MCPH1: variants seen among roughly 807,000 people sequenced by gnomAD.
MCPH1 encodes microcephalin.
A neutral mutation model predicts 84.5 loss-of-function variants in MCPH1; 104 were observed. The observed-to-expected ratio is 1.23, with a 90% CI of 1.05 to 1.45. The LOEUF (loss-of-function observed/expected upper bound fraction) is 1.45, where lower values mean the gene tolerates loss of function less well. MCPH1 is among the 40% of genes most tolerant of loss of function. MCPH1 has a pLI of 0.00. For missense variants in MCPH1, 1,498 were observed against 1,005.7 expected (o/e 1.49, Z -6.62); for synonymous variants, 514 against 366.8 (o/e 1.40, Z -4.58).
intron 8 of MCPH1, chr8:6,447,240 A>G: frequency 1.0e-6 from 1 of 985,284 alleles, no homozygotes; most frequent in Non-Finnish European, 1.2e-6. Context: ...AGGTGAACCA[A>G]CTCTCTTTGG....
chr8:6,508,551 A>G, intron 12 of MCPH1: 1 of 316,708 alleles, frequency 3.2e-6, no homozygotes, highest in Non-Finnish European at 5.6e-6. Flanking sequence ...TATTTCTATA[A>G]TCTATATTAC....
chr8:6,621,017 A>G lies in MCPH1; in HGVS notation c.2215-437A>G, dbSNP rs1542850. 1,663 of 239,146 alleles carry G rather than the reference A, an allele frequency of 7.0e-3. 28 individuals carry two copies. Among genetic ancestry groups the G allele is most frequent in the African/African-American group, 0.036 (1,557 of 43,612 alleles). The allele number at this position is 239,146 out of a possible 1,614,324, so 14.8% of individuals were successfully genotyped here. A position where few individuals can be genotyped will look rare whatever the true frequency, so the allele number is the denominator to read the frequency against. On this transcript the variant is annotated intron_variant, in intron 12 of 13. Coordinates refer to ENST00000344683, the MANE Select transcript of MCPH1 (RefSeq NM_024596.5). ...ATCCTATAAAAGTCCTTTTCTGCCA[A>G]CAGCCTGGAGCGCGCTGGATTGAAT...
intron 12 of MCPH1, among the ~76,000 whole-genome samples, chr8:6,605,780 C>T (rs959016111): frequency 2.0e-5 from 3 of 152,218 alleles, no homozygotes; most frequent in Non-Finnish European, 2.9e-5. Flanking sequence ...TCACTGCAAC[C>T]TCCACCTCCC....
chr8:6,473,771 C>G, intron 9 of MCPH1: 1 of 885,262 alleles, frequency 1.1e-6, no homozygotes, highest in East Asian at 2.7e-5. Context: ...GTTCCTGATA[C>G]TTAAACAATT....
intron 8 of MCPH1, among the ~76,000 whole-genome samples, chr8:6,447,607 G>A (rs1804587597): frequency 6.6e-6 from 1 of 152,208 alleles, no homozygotes; most frequent in Non-Finnish European, 1.5e-5. Context: ...TTGGAGTGCA[G>A]TGGCACAATC....
At chr8:6,439,942 G>A (rs1207980491) in intron 6 of MCPH1, among the ~76,000 whole-genome samples, 2 of 152,172 alleles carry the variant, frequency 1.3e-5, no homozygotes, top group Non-Finnish European at 2.9e-5. Flanking sequence ...CTGTTTCAGT[G>A]TATCAGATAT....
chr8:6,624,451 T>G (rs1415621605), intron 13 of MCPH1, among the ~76,000 whole-genome samples: 1 of 152,166 alleles, frequency 6.6e-6, no homozygotes, highest in Admixed American at 6.5e-5. Context: ...GCATCTCCAG[T>G]GTAGTAGACC....
chr8:6,431,499 A>G lies in MCPH1; in HGVS notation c.234A>G (p.Lys78=). ...AGACTACCTTAATTTAATTATACAGATGCAGGACAGCTGGAGCACACATTG... is the reference window on the plus strand; with the variant it reads ...AGACTACCTTAATTTAATTATACAGGTGCAGGACAGCTGGAGCACACATTG... ...VKLVSVLWVE[K]CRTAGAHIDE... is the part of the protein sequence containing the mutation. The change falls in exon 4 of 14, where the codon AAA becomes AAG. Residue 78 remains lysine (K), a splice_region_variant and synonymous_variant. Transcript: ENST00000344683. The G allele has an allele frequency of 6.2e-7, 1 of 1,611,764 alleles. No homozygotes were observed. Among genetic ancestry groups the G allele is most frequent in the Non-Finnish European group, 8.5e-7 (1 of 1,177,994 alleles).
intron 12 of MCPH1, among the ~76,000 whole-genome samples, chr8:6,586,970 C>G (rs1488073249): frequency 6.6e-6 from 1 of 152,062 alleles, no homozygotes; most frequent in African/African-American, 2.4e-5. Flanking sequence ...AGCCGAGCCC[C>G]GTTGCAGGCA....
chr8:6,617,900 A>AATCTACCT (rs1554480978), intron 12 of MCPH1, among the ~76,000 whole-genome samples: 15 of 143,014 alleles, frequency 1.0e-4, no homozygotes, highest in Non-Finnish European at 2.0e-4. Context: ...CTATCTATCT[A>AATCTACCT]ATCTATCTAT....
At chr8:6,474,568 G>C (rs748304930) in intron 9 of MCPH1, among the ~76,000 whole-genome samples, 1 of 152,100 alleles carries the variant, frequency 6.6e-6, no homozygotes, top group Admixed American at 6.5e-5. Context: ...GTTAAAAAAA[G>C]TTTGTCAGGT....
At chr8:6,430,357 C>G (rs1421405255) in intron 3 of MCPH1, among the ~76,000 whole-genome samples, 1 of 152,186 alleles carries the variant, frequency 6.6e-6, no homozygotes, top group African/African-American at 2.4e-5. Flanking sequence ...GAAAATTCCA[C>G]TGCATTGTAT....
intron 12 of MCPH1, among the ~76,000 whole-genome samples, chr8:6,596,143 C>A (rs1420806784): frequency 6.6e-6 from 1 of 152,144 alleles, no homozygotes; most frequent in Non-Finnish European, 1.5e-5. Flanking sequence ...CCGTAAGCCA[C>A]GTGTGACACA....
intron 9 of MCPH1, among the ~76,000 whole-genome samples, chr8:6,470,828 A>C (rs1240098647): frequency 2.0e-5 from 3 of 152,202 alleles, no homozygotes; most frequent in African/African-American, 7.2e-5. Context: ...GGGTTGTTAA[A>C]CTGAAGGAGT....
chr8:6,518,732 T>TA (rs1816771060), intron 12 of MCPH1, among the ~76,000 whole-genome samples: 1 of 152,162 alleles, frequency 6.6e-6, no homozygotes, highest in Non-Finnish European at 1.5e-5. Flanking sequence ...TCTCTGTAGT[T>TA]ATTTGTGTTG....
chr8:6,561,875 T>C (rs1294961525), intron 12 of MCPH1, among the ~76,000 whole-genome samples: 2 of 152,196 alleles, frequency 1.3e-5, no homozygotes, highest in African/African-American at 4.8e-5. Context: ...GGATCATCTG[T>C]GAAACAGTGG....
chr8:6,502,752 AGT>A (rs1812440864), intron 12 of MCPH1: 1 of 290,850 alleles, frequency 3.4e-6, no homozygotes. Flanking sequence ...GTATAACATA[AGT>A]GTTCTGTTTT....
chr8:6,431,473 T>C, intron 3 of MCPH1, 26 bp from the exon 4 acceptor site: 1 of 1,570,016 alleles, frequency 6.4e-7, no homozygotes, highest in Non-Finnish European at 8.8e-7. Flanking sequence ...AAATACTCAT[T>C]AGACTACCTT....
In MCPH1 at chr8:6,497,755, A is replaced by G. The variant is rs149180896; in HGVS notation, c.2137-2097A>G. Reference sequence around the variant, plus strand: ...TCTGTACCTTCCTCTTAATTTTGCTATGAAGCTAAAGTGGCTTTAAAAATA... The same window carrying G: ...TCTGTACCTTCCTCTTAATTTTGCTGTGAAGCTAAAGTGGCTTTAAAAATA... On this transcript the variant is annotated intron_variant, in intron 11 of 13. Transcript: ENST00000344683. Among the ~76,000 whole-genome samples, 384 of 152,318 alleles carry G rather than the reference A, an allele frequency of 2.5e-3. 11 individuals carry two copies. The South Asian group carries it at 0.053, about 21-fold the overall frequency.
Sources: gnomAD v4.1 joint callset for allele counts (sites outside exome capture counted in the v4.1 genomes callset) on GRCh38, gnomAD v4.1.1 for gene constraint, MANE v1.5 for transcripts, NCBI Gene and HGNC (gene_info 2026-07-23, HGNC 2026-07-21) for gene names.